The following NCOA2 variants were observed in gnomAD, a reference collection of about 807,000 sequenced individuals.
NCOA2 encodes the protein nuclear receptor coactivator 2, also known as class E basic helix-loop-helix protein 75.
In NCOA2, 21 loss-of-function variants were observed where a neutral mutation model predicts 145.1. The observed-to-expected ratio is 0.14, with a 90% CI of 0.10 to 0.21. The LOEUF (loss-of-function observed/expected upper bound fraction) is 0.21, where lower values mean the gene tolerates loss of function less well. NCOA2 is among the 10% of genes least tolerant of loss of function. The probability of loss-of-function intolerance (pLI) is 1.00; values close to 1 mark genes in which losing one functional copy is unlikely to be tolerated. For missense variants in NCOA2, 1,472 were observed against 1,837.6 expected (o/e 0.80, Z 3.64); for synonymous variants, 619 against 637.5 (o/e 0.97, Z 0.44).
chr8:70,178,182 A>G (rs1815077468), intron 4 of NCOA2, among the ~76,000 whole-genome samples: 1 of 152,234 alleles, frequency 6.6e-6, no homozygotes, highest in South Asian at 2.1e-4. Flanking sequence ...TCAGGCAAAG[A>G]ATTTTAGACT....
At chr8:70,408,078 T>C (rs1397350242), upstream of NCOA2, among the ~76,000 whole-genome samples, 1 of 152,098 alleles carries the variant, frequency 6.6e-6, no homozygotes, top group Non-Finnish European at 1.5e-5. Context: ...CAAAAACAAA[T>C]ATTAATACAC....
chr8:70,166,003 T>C (rs1813573213), intron 7 of NCOA2, among the ~76,000 whole-genome samples: 1 of 152,074 alleles, frequency 6.6e-6, no homozygotes, highest in Non-Finnish European at 1.5e-5. Context: ...TTTGTACTTT[T>C]AGTAGAGACA....
intron 1 of NCOA2, among the ~76,000 whole-genome samples, chr8:70,315,138 T>C (rs1476625661): frequency 2.3e-4 from 35 of 152,218 alleles, no homozygotes; most frequent in Non-Finnish European, 2.1e-4. Context: ...GATGATCATC[T>C]AGCTTGTTGA....
At chr8:70,387,810 A>G (rs1193356191) in intron 1 of NCOA2, among the ~76,000 whole-genome samples, 1 of 152,152 alleles carries the variant, frequency 6.6e-6, no homozygotes, top group Non-Finnish European at 1.5e-5. Flanking sequence ...ATTTTCATCC[A>G]CTGAACTTCT....
the NCOA2 span, chr8:70,424,347 G>T: frequency 5.3e-6 from 2 of 374,456 alleles, no homozygotes; most frequent in Non-Finnish European, 1.0e-5. Context: ...ACCAGTTGGG[G>T]ATCTTGAATG....
chr8:70,282,407 C>T (rs763049494), intron 2 of NCOA2, among the ~76,000 whole-genome samples: 15 of 152,100 alleles, frequency 9.9e-5, no homozygotes, highest in African/African-American at 2.7e-4. Flanking sequence ...GCCATAAGGC[C>T]GGGCACGGAG....
intron 18 of NCOA2, 96 bp downstream of exon 18, chr8:70,128,337 T>A: frequency 1.9e-6 from 2 of 1,028,552 alleles, no homozygotes; most frequent in Non-Finnish European, 2.9e-6. Context: ...CTGATCTGGA[T>A]CCACGTCTAC....
At chr8:70,206,964 A>G (rs985425647) in intron 4 of NCOA2, among the ~76,000 whole-genome samples, 20 of 152,148 alleles carry the variant, frequency 1.3e-4, no homozygotes, top group Admixed American at 2.6e-4. Context: ...TTCTTTAATA[A>G]TCACATTCCT....
chr8:70,250,653 T>C (rs934675974), intron 2 of NCOA2, among the ~76,000 whole-genome samples: 2 of 152,176 alleles, frequency 1.3e-5, no homozygotes, highest in Non-Finnish European at 2.9e-5. Flanking sequence ...TAAATTTCTA[T>C]AATACAAATG....
At chr8:70,286,093 G>A (rs1189073666) in intron 2 of NCOA2, among the ~76,000 whole-genome samples, 1 of 152,124 alleles carries the variant, frequency 6.6e-6, no homozygotes, top group Admixed American at 6.5e-5. Context: ...TCTTAAATTT[G>A]CACTTCTTTA....
At chr8:70,163,113 C>T (rs1482298183) in intron 8 of NCOA2, among the ~76,000 whole-genome samples, 2 of 151,960 alleles carry the variant, frequency 1.3e-5, no homozygotes, top group Middle Eastern at 3.2e-3. Context: ...TGAGGTTTTG[C>T]CATGTTGGCC....
intron 4 of NCOA2, among the ~76,000 whole-genome samples, chr8:70,181,963 C>G (rs371790940): frequency 6.6e-6 from 1 of 152,154 alleles, no homozygotes; most frequent in Admixed American, 6.5e-5. Context: ...GTAGCATCTC[C>G]AAGGTTCTAG....
chr8:70,149,753 G>C (rs1328973469), intron 11 of NCOA2, among the ~76,000 whole-genome samples: 1 of 152,060 alleles, frequency 6.6e-6, no homozygotes, highest in African/African-American at 2.4e-5. Context: ...GTGCATGCTA[G>C]GATTGCTTTC....
At chr8:70,309,448 T>A (rs923635603) in intron 1 of NCOA2, among the ~76,000 whole-genome samples, 37 of 151,756 alleles carry the variant, frequency 2.4e-4, no homozygotes, top group African/African-American at 8.7e-4. Context: ...TTACGATGCT[T>A]AAGGATAAAT....
intron 1 of NCOA2, among the ~76,000 whole-genome samples, chr8:70,403,046 CCCGCG>C (rs1475264559): frequency 6.7e-6 from 1 of 149,284 alleles, no homozygotes; most frequent in Non-Finnish European, 1.5e-5. Context: ...CCTTCCCCGC[CCCGCG>C]CTGCAGCTCG....
chr8:70,445,881 C>A, the NCOA2 span, among the ~76,000 whole-genome samples: 1 of 152,204 alleles, frequency 6.6e-6, no homozygotes, highest in Non-Finnish European at 1.5e-5. Context: ...GCTGCGCAAT[C>A]AGCACTTTAA....
intron 1 of NCOA2, among the ~76,000 whole-genome samples, chr8:70,298,975 G>C (rs1488432532): frequency 6.6e-6 from 1 of 152,046 alleles, no homozygotes; most frequent in Admixed American, 6.6e-5. Flanking sequence ...CAGGAGAATG[G>C]CGTGAACCCA....
At chr8:70,151,606 G>C (rs979629106) in intron 11 of NCOA2, among the ~76,000 whole-genome samples, 1 of 152,116 alleles carries the variant, frequency 6.6e-6, no homozygotes, top group Admixed American at 6.5e-5. Flanking sequence ...TTTTTCTTAA[G>C]AAAGCCATTC....
At chr8:70,318,534 G>T (rs1442937255) in intron 1 of NCOA2, among the ~76,000 whole-genome samples, 1 of 152,298 alleles carries the variant, frequency 6.6e-6, no homozygotes, top group East Asian at 1.9e-4. Context: ...GGGAGGCAAG[G>T]AGGGCAGATC....
Sources: gnomAD v4.1 joint callset for allele counts (sites outside exome capture counted in the v4.1 genomes callset) on GRCh38, gnomAD v4.1.1 for gene constraint, MANE v1.5 for transcripts, NCBI Gene and HGNC (gene_info 2026-07-23, HGNC 2026-07-21) for gene names.